The following SQLE variants were observed in gnomAD, a reference collection of about 807,000 sequenced individuals.
SQLE encodes the protein squalene epoxidase, also known as squalene monooxygenase.
A neutral mutation model predicts 60.7 loss-of-function variants in SQLE; 29 were observed. That is an observed-to-expected ratio of 0.48 (90% CI 0.36 to 0.65). The LOEUF (loss-of-function observed/expected upper bound fraction) is 0.65. Ranked by LOEUF, SQLE falls within the 30% of genes least tolerant of loss-of-function variation. SQLE has a pLI of 0.00. For synonymous variants in SQLE, 237 were observed against 246.8 expected (o/e 0.96, Z 0.37); for missense variants, 605 against 684.1 (o/e 0.88, Z 1.29).
chr8:125,015,725 C>T (rs1241112771), intron 7 of SQLE, among the ~76,000 whole-genome samples: 1 of 152,122 alleles, frequency 6.6e-6, no homozygotes, highest in Non-Finnish European at 1.5e-5. Context: ...GCTTACTGCT[C>T]GTTAAGGTCC....
chr8:125,000,864 C>G (rs1814835140), intron 1 of SQLE, among the ~76,000 whole-genome samples: 1 of 152,150 alleles, frequency 6.6e-6, no homozygotes, highest in South Asian at 2.1e-4. Flanking sequence ...AGTAAACGCC[C>G]ACTTGCTTTT....
intron 7 of SQLE, among the ~76,000 whole-genome samples, chr8:125,013,610 C>T (rs909677512): frequency 3.3e-5 from 5 of 152,188 alleles, no homozygotes; most frequent in African/African-American, 1.2e-4. Context: ...ACCTCAGCCT[C>T]CCAAAGTCCT....
At chr8:125,008,574 C>T (rs1814993916) in intron 4 of SQLE, among the ~76,000 whole-genome samples, 1 of 152,186 alleles carries the variant, frequency 6.6e-6, no homozygotes, top group Non-Finnish European at 1.5e-5. Flanking sequence ...TAAGCCCTAG[C>T]TGCTGACTAA....
In SQLE at chr8:125,005,702, C is replaced by T; in HGVS notation, c.722C>T (p.Pro241Leu). The stretch of plus-strand genomic sequence containing the variant: ...CTCCGGAAAGCAGCTATGGCAGAGC[C>T]CAAGTAAGACCACAGTTTCAAATAT... ...MSLRKAAMAEPNAKFIEGVVL... is the reference protein window; with the variant it reads ...MSLRKAAMAELNAKFIEGVVL... The change falls in exon 3 of 11, where the codon CCC (proline) becomes CTC (leucine). Residue 241 changes from proline to leucine, a missense_variant. Transcript: ENST00000265896. 1 of 1,556,012 alleles carries T rather than the reference C, an allele frequency of 6.4e-7. No homozygotes were observed. The highest frequency in any genetic ancestry group is 1.7e-4 in the Middle Eastern group (1 of 5,826).
At position 125,007,255 on chromosome 8, in the gene SQLE, A is replaced by G; in HGVS notation, c.726-136A>G. 4.3e-6 allele frequency: 2 copies of G among 464,716 alleles called. 1 individual carries two copies. Among genetic ancestry groups the G allele is most frequent in the Non-Finnish European group, 7.2e-6 (2 of 277,818 alleles). 28.8% of individuals were successfully genotyped at this position (464,716 alleles called of 1,614,324 possible). A position where few individuals can be genotyped will look rare whatever the true frequency, so the allele number is the denominator to read the frequency against. On this transcript the variant is annotated intron_variant, in intron 3 of 10. Coordinates refer to ENST00000265896, the MANE Select transcript of SQLE (RefSeq NM_003129.4). ...TAAATGTTGATAAATTAGAAAATAA[A>G]AAACACACATTGGACACGTGTTTGC...
Position 125,016,755 on chromosome 8 carries a change from G to A in SQLE, c.1205-1304G>A, listed in dbSNP as rs1160078315. On this transcript the variant is annotated intron_variant, in intron 7 of 10. Transcript: ENST00000265896. This position sits in a 1 kb window ranked among gnomAD's most constrained non-coding sequence, Gnocchi z 4.1. The stretch of plus-strand genomic sequence containing the variant: ...GTTTGTACCCATCTTTCTTGGGAAC[G>A]CTTTTGAAGTATTCAAAGGGAAGTG... Among the ~76,000 whole-genome samples the A allele has an allele frequency of 3.3e-5, 5 of 152,094 alleles. No homozygotes were observed. The highest frequency in any genetic ancestry group is 2.1e-4 in the South Asian group (1 of 4,824).
In SQLE at chr8:125,013,356, C is replaced by CTTTTTCTTTTTTTTTTTTT. The variant is rs71576761; in HGVS notation, c.1204+1729_1204+1730insCTTTTTTTTTTTTTTTTTT. On this transcript the variant is annotated intron_variant, in intron 7 of 10. Transcript: ENST00000265896. ...AGATTTACTCCTATGTTTTCTTTTT[C>CTTTTTCTTTTTTTTTTTTT]TTTTTTTTTTTTTGAGATGGAGTTT... Among the ~76,000 whole-genome samples the CTTTTTCTTTTTTTTTTTTT allele has an allele frequency of 4.0e-4, 55 of 136,404 alleles. 1 individual carries two copies. Among genetic ancestry groups the CTTTTTCTTTTTTTTTTTTT allele is most frequent in the African/African-American group, 1.4e-3 (48 of 35,146 alleles). 89.5% of individuals were successfully genotyped at this position (136,404 alleles called of 152,430 possible).
Position 124,999,146 on chromosome 8 carries a change from G to T in SQLE, c.-258G>T, listed in dbSNP as rs964330687. 4 of 381,406 alleles carry T rather than the reference G, an allele frequency of 1.0e-5. No individual in the cohort carries two copies. The highest frequency in any genetic ancestry group is 1.4e-5 in the Non-Finnish European group (3 of 216,206). 23.6% of individuals were successfully genotyped at this position (381,406 alleles called of 1,614,324 possible). Reference sequence around the variant, plus strand: ...TTCCTGGGCGAGGAGGAGCGAGTCTGCTCGGGAGCTGTTCCAGCAGGCGAT... The same window carrying T: ...TTCCTGGGCGAGGAGGAGCGAGTCTTCTCGGGAGCTGTTCCAGCAGGCGAT... On this transcript the variant is annotated 5_prime_UTR_variant, in exon 1 of 11. Transcript: ENST00000265896.
In SQLE at chr8:125,021,993, C is replaced by T; in HGVS notation, c.*48C>T. The T allele has an allele frequency of 7.6e-6, 11 of 1,441,190 alleles. No individual in the cohort carries two copies. Among genetic ancestry groups the T allele is most frequent in the Non-Finnish European group, 1.0e-5 (11 of 1,063,716 alleles). 89.3% of individuals were successfully genotyped at this position (1,441,190 alleles called of 1,614,324 possible). On this transcript the variant is annotated 3_prime_UTR_variant, in exon 11 of 11. Coordinates refer to ENST00000265896, the MANE Select transcript of SQLE (RefSeq NM_003129.4). ...AATGAATATTTGGAACTTACCAAGT[C>T]CTAAGAGACTTTTGGAAGAGGATAT...
intron 1 of SQLE, among the ~76,000 whole-genome samples, chr8:125,000,965 A>C (rs948307396): frequency 6.6e-6 from 1 of 152,156 alleles, no homozygotes; most frequent in Non-Finnish European, 1.5e-5. Flanking sequence ...TTAGACGGGA[A>C]TGGCACCACC....
chr8:125,014,108 A>G (rs1033443303), intron 7 of SQLE, among the ~76,000 whole-genome samples: 5 of 101,576 alleles, frequency 4.9e-5, no homozygotes, highest in South Asian at 3.9e-4. Flanking sequence ...TATTCTGTCA[A>G]TGATGATAAA....
At position 124,999,486 on chromosome 8, in the gene SQLE, T is replaced by G; in HGVS notation, c.83T>G (p.Val28Gly). The G allele has an allele frequency of 6.2e-7, 1 of 1,600,320 alleles. No individual in the cohort carries two copies. Among genetic ancestry groups the G allele is most frequent in the Non-Finnish European group, 8.5e-7 (1 of 1,172,976 alleles). Residue 28 changes from valine (V) to glycine (G), a missense_variant, in exon 1 of 11, where the codon GTC becomes GGC. Coordinates refer to ENST00000265896, the MANE Select transcript of SQLE (RefSeq NM_003129.4). ...GDFITLANRE[V>G]LLCVLVFLSL... ...TTCATCACTTTGGCCAACAGGGAGGTCCTGTTGTGCGTGCTGGTGTTCCTC... is the reference window on the plus strand; with the variant it reads ...TTCATCACTTTGGCCAACAGGGAGGGCCTGTTGTGCGTGCTGGTGTTCCTC...
chr8:125,017,875 C>G, intron 7 of SQLE, 184 bp from the exon 8 acceptor site: 1 of 641,870 alleles, frequency 1.6e-6, no homozygotes, highest in African/African-American at 1.8e-5. Context: ...ATTAGGTACC[C>G]AACATTGATT....
chr8:125,014,110 GATGATAA>G (rs753447701), intron 7 of SQLE, among the ~76,000 whole-genome samples: 103 of 101,602 alleles, frequency 1.0e-3, no homozygotes, highest in Admixed American at 2.1e-3. Flanking sequence ...TTCTGTCAAT[GATGATAA>G]AAGGCCAGAA....
At chr8:125,021,464 T>C (rs74634877) in intron 10 of SQLE, among the ~76,000 whole-genome samples, 4,331 of 149,298 alleles carry the variant, frequency 0.029, 217 homozygotes, top group African/African-American at 0.1. Context: ...ATATGACTTA[T>C]GTAAACTAGA....
chr8:125,006,912 C>T (rs1050346395), intron 3 of SQLE, among the ~76,000 whole-genome samples: 18 of 151,958 alleles, frequency 1.2e-4, no homozygotes, highest in African/African-American at 3.1e-4. Context: ...ACCATGTTGG[C>T]CAGGATGGCC....
intron 1 of SQLE, 91 bp from the exon 2 acceptor site, chr8:125,003,085 G>C: frequency 8.1e-7 from 1 of 1,240,486 alleles, no homozygotes; most frequent in Admixed American, 3.2e-5. Flanking sequence ...CTTTAGCCTA[G>C]GATGCAAAAG....
At chr8:125,000,073 T>C (rs542322757) in intron 1 of SQLE, 1 of 467,364 alleles carries the variant, frequency 2.1e-6, no homozygotes, top group East Asian at 6.7e-5. Context: ...GTGCTGCGGG[T>C]AAGTCCACTG....
chr8:125,019,072 C>T (rs547899098), intron 9 of SQLE: 4 of 181,906 alleles, frequency 2.2e-5, no homozygotes, highest in Admixed American at 1.9e-4. Context: ...TAGTCTTTTT[C>T]TTCCTAACAC....
Sources: allele counts gnomAD v4.1 joint callset (sites outside exome capture counted in the v4.1 genomes callset), GRCh38; gene constraint gnomAD v4.1.1; non-coding constraint Gnocchi (gnomAD v3.1); transcripts MANE v1.5; gene names NCBI Gene and HGNC (gene_info 2026-07-23, HGNC 2026-07-21).